CHLSN: variants seen among roughly 807,000 people sequenced by gnomAD.
CHLSN encodes the protein protein cholesin.
the CHLSN span, among the ~76,000 whole-genome samples, chr7:1,068,296 G>A: frequency 5.9e-5 from 9 of 152,248 alleles, no homozygotes; most frequent in Admixed American, 5.9e-4. Context: ...GTCAGTCCTG[G>A]CTCTGACCAT....
At chr7:999,287 A>G in the CHLSN span, among the ~76,000 whole-genome samples, 1 of 152,364 alleles carries the variant, frequency 6.6e-6, no homozygotes, top group East Asian at 1.9e-4. Flanking sequence ...TTTCCTCCAC[A>G]TGGAACAGGC....
chr7:1,001,290 A>G, the CHLSN span, among the ~76,000 whole-genome samples: 1 of 151,908 alleles, frequency 6.6e-6, no homozygotes, highest in Non-Finnish European at 1.5e-5. Context: ...GCCTGTTGTG[A>G]GCGCTGCCCA....
At chr7:1,112,383 G>A in the CHLSN span, among the ~76,000 whole-genome samples, 1,241 of 152,340 alleles carry the variant, frequency 8.1e-3, 11 homozygotes, top group Non-Finnish European at 0.01. Flanking sequence ...CTGCCCTGCG[G>A]CCCGGCCTCC....
At chr7:1,063,470 C>T in the CHLSN span, among the ~76,000 whole-genome samples, 1 of 152,222 alleles carries the variant, frequency 6.6e-6, no homozygotes, top group Non-Finnish European at 1.5e-5. Context: ...CCAGGCACTA[C>T]AATTCACTGG....
the CHLSN span, among the ~76,000 whole-genome samples, chr7:1,001,633 G>C: frequency 2.2e-5 from 3 of 135,778 alleles, no homozygotes; most frequent in Admixed American, 1.4e-4. Context: ...AGTCCTGCGG[G>C]TGGGGAGTCC....
the CHLSN span, among the ~76,000 whole-genome samples, chr7:1,006,711 G>T: frequency 2.0e-5 from 3 of 148,164 alleles, no homozygotes; most frequent in Non-Finnish European, 4.5e-5. Flanking sequence ...GGGAAAGAGC[G>T]CATGACGGTC....
the CHLSN span, among the ~76,000 whole-genome samples, chr7:1,041,325 A>AC: frequency 1.9e-3 from 231 of 121,312 alleles, 9 homozygotes; most frequent in Middle Eastern, 4.2e-3. Flanking sequence ...GCTGCGGGGA[A>AC]GGGGGCCTGG....
chr7:1,103,296 C>T, the CHLSN span, among the ~76,000 whole-genome samples: 6 of 152,176 alleles, frequency 3.9e-5, no homozygotes, highest in South Asian at 4.1e-4. Flanking sequence ...CTGAGATTGT[C>T]GGGTGAAAGC....
chr7:988,327 G>C, the CHLSN span: 1 of 1,611,952 alleles, frequency 6.2e-7, no homozygotes, highest in South Asian at 1.1e-5. Flanking sequence ...ATGAGACACA[G>C]TGGCAGACCC....
chr7:995,918 TCTC>T, the CHLSN span, among the ~76,000 whole-genome samples: 2 of 152,102 alleles, frequency 1.3e-5, no homozygotes, highest in African/African-American at 4.8e-5. Context: ...AACAGCCTCA[TCTC>T]CTTCCCACAG....
chr7:1,087,884 T>TA, the CHLSN span, among the ~76,000 whole-genome samples: 47 of 152,202 alleles, frequency 3.1e-4, no homozygotes, highest in African/African-American at 1.1e-3. Flanking sequence ...CCTTCAAACT[T>TA]AAAGAAAGGT....
chr7:1,092,821 G>C, the CHLSN span: 2 of 1,613,224 alleles, frequency 1.2e-6, no homozygotes, highest in African/African-American at 2.7e-5. Context: ...AGACAGCACC[G>C]AGCAGTCGGA....
At chr7:1,072,515 G>C in the CHLSN span, among the ~76,000 whole-genome samples, 1 of 152,200 alleles carries the variant, frequency 6.6e-6, no homozygotes, top group Non-Finnish European at 1.5e-5. Context: ...TTCATAATTA[G>C]ATATGATCAT....
the CHLSN span, among the ~76,000 whole-genome samples, chr7:1,017,000 G>C: frequency 0.33 from 41,060 of 125,132 alleles, 7,726 homozygotes; most frequent in African/African-American, 0.5. Flanking sequence ...CAGCGCACAG[G>C]AGCACACAGC....
chr7:1,084,852 G>A, the CHLSN span, among the ~76,000 whole-genome samples: 2 of 152,240 alleles, frequency 1.3e-5, no homozygotes, highest in African/African-American at 4.8e-5. Flanking sequence ...GCAACTCCCT[G>A]AGGGCTCTGC....
At chr7:1,015,037 G>A in the CHLSN span, among the ~76,000 whole-genome samples, 1 of 152,238 alleles carries the variant, frequency 6.6e-6, no homozygotes, top group Non-Finnish European at 1.5e-5. Flanking sequence ...TGCCGGGCAG[G>A]GCCTGACACG....
the CHLSN span, among the ~76,000 whole-genome samples, chr7:1,119,524 A>G: frequency 2.0e-5 from 3 of 152,254 alleles, no homozygotes; most frequent in Admixed American, 1.3e-4. Context: ...TCCCAGACAC[A>G]CTAGGATATC....
chr7:1,091,561 A>AAACCC, the CHLSN span: 3 of 634,602 alleles, frequency 4.7e-6, no homozygotes, highest in Admixed American at 8.8e-5. Flanking sequence ...TGCAGTTAAC[A>AAACCC]AACCCAACCC....
chr7:1,020,167 T>C, the CHLSN span, among the ~76,000 whole-genome samples: 4 of 152,216 alleles, frequency 2.6e-5, no homozygotes, highest in Non-Finnish European at 4.4e-5. Context: ...CCGCGTGCGA[T>C]GCCCTGGTCC....
Sources: gnomAD v4.1 joint callset for allele counts (sites outside exome capture counted in the v4.1 genomes callset) on GRCh38, gnomAD v4.1.1 for gene constraint, MANE v1.5 for transcripts, NCBI Gene and HGNC (gene_info 2026-07-23, HGNC 2026-07-21) for gene names.